HACL1: variants seen among roughly 807,000 people sequenced by gnomAD.
HACL1 encodes the protein 2-hydroxyacyl-CoA lyase 1.
Under a neutral mutation model 74.2 loss-of-function variants are expected in HACL1, and 64 were observed. That is an observed-to-expected ratio of 0.86 (90% confidence interval 0.70 to 1.06). HACL1 has a LOEUF of 1.06. Among genes scored for constraint, HACL1 ranks in the 50% least tolerant of loss-of-function variants. The pLI is 0.00. For missense variants in HACL1, 728 were observed against 719.7 expected (o/e 1.01, Z -0.13); for synonymous variants, 230 against 238.8 (o/e 0.96, Z 0.34).
At chr3:15,574,541 C>T (rs1159326479) in intron 10 of HACL1, among the ~76,000 whole-genome samples, 3 of 152,202 alleles carry the variant, frequency 2.0e-5, no homozygotes, top group African/African-American at 7.2e-5. Flanking sequence ...ATTCCGGATG[C>T]TGTTTAATGA....
In HACL1 at chr3:15,563,555, A is replaced by C. The variant is rs781118545; in HGVS notation, c.1518-11T>G. The C allele has an allele frequency of 5.8e-6, 9 of 1,550,968 alleles. No homozygotes were observed. The highest frequency in any genetic ancestry group is 8.0e-6 in the Non-Finnish European group (9 of 1,127,972). ...CACATTGGAGGGACCCTGAAAAACA[A>C]GGTCATGAGTCAATGAAATTTAAAT... On this transcript the variant is annotated splice_polypyrimidine_tract_variant and intron_variant, in intron 15 of 16. Coordinates refer to ENST00000321169, the MANE Select transcript of HACL1 (RefSeq NM_012260.4).
At chr3:15,586,711 G>T (rs2063801424) in intron 5 of HACL1, 109 bp from the exon 6 acceptor site, 1 of 676,632 alleles carries the variant, frequency 1.5e-6, no homozygotes, top group Non-Finnish European at 2.7e-6. Context: ...GAGGCAAGAT[G>T]GAGAAAATAT....
chr3:15,570,569 T>G (rs1032514738), intron 12 of HACL1, among the ~76,000 whole-genome samples: 2 of 150,152 alleles, frequency 1.3e-5, no homozygotes, highest in Non-Finnish European at 3.0e-5. Flanking sequence ...AAGATACATA[T>G]GAATACACAA....
intron 7 of HACL1, among the ~76,000 whole-genome samples, chr3:15,584,784 T>G (rs1020955388): frequency 1.3e-5 from 2 of 152,212 alleles, no homozygotes; most frequent in African/African-American, 4.8e-5. Flanking sequence ...GTACTTCTTT[T>G]CACTTAGTGT....
chr3:15,597,554 G>C (rs569939029), intron 2 of HACL1, among the ~76,000 whole-genome samples: 1 of 145,724 alleles, frequency 6.9e-6, no homozygotes, highest in South Asian at 2.1e-4. Context: ...AATGAATTGC[G>C]TATTTCCTAG....
chr3:15,595,440 TA>T lies in HACL1; in HGVS notation c.227+943del, dbSNP rs552924084. ...GAATTACTAGTTTCATTTTTGGAAA[TA>T]AAAAAATGTATTAAAACTAACATAT... On this transcript the variant is annotated intron_variant, in intron 3 of 16. Transcript: ENST00000321169. Among the ~76,000 whole-genome samples the T allele has an allele frequency of 4.8e-4, 73 of 151,706 alleles. 1 individual carries two copies. Among genetic ancestry groups the T allele is most frequent in the Admixed American group, 3.6e-3 (55 of 15,102 alleles).
At chr3:15,571,841 T>TC (rs1559550170) in intron 11 of HACL1, 72 bp from the exon 12 acceptor site, 3 of 634,910 alleles carry the variant, frequency 4.7e-6, no homozygotes, top group African/African-American at 4.6e-5. Context: ...TTTTTTTTTT[T>TC]TTTTTTTTTT....
At chr3:15,589,501 A>C (rs921954043) in intron 5 of HACL1, 39 bp downstream of exon 5, 9 of 1,295,502 alleles carry the variant, frequency 6.9e-6, no homozygotes, top group Non-Finnish European at 1.0e-5. Context: ...TGTTTCAAAA[A>C]TTAAAAATAA....
chr3:15,590,314 A>C (rs1328589617), intron 4 of HACL1, among the ~76,000 whole-genome samples: 2 of 152,080 alleles, frequency 1.3e-5, no homozygotes, highest in Non-Finnish European at 2.9e-5. Flanking sequence ...CTCAGCAATG[A>C]AATTCTTATC....
At chr3:15,596,702 A>G (rs1414074797) in intron 2 of HACL1, among the ~76,000 whole-genome samples, 2 of 152,152 alleles carry the variant, frequency 1.3e-5, no homozygotes, top group African/African-American at 4.8e-5. Context: ...TTTTATTAAC[A>G]ATATTGGTAA....
At chr3:15,571,829 C>CT (rs869072841) in intron 11 of HACL1, 60 bp from the exon 12 acceptor site, 13,612 of 224,084 alleles carry the variant, frequency 0.061, 1,020 homozygotes, top group East Asian at 0.17. Flanking sequence ...CCTTTTTTTT[C>CT]TTTTTTTTTT....
At chr3:15,568,093 G>C in intron 13 of HACL1, 91 bp from the exon 14 acceptor site, 1 of 1,043,750 alleles carries the variant, frequency 9.6e-7, no homozygotes, top group Non-Finnish European at 1.4e-6. Flanking sequence ...TTACATGGTT[G>C]ATGGAAAAAT....
Position 15,586,529 on chromosome 3 carries a change from T to C in HACL1, c.455A>G (p.Glu152Gly), listed in dbSNP as rs759655395. 6 of 1,566,104 alleles carry C rather than the reference T, an allele frequency of 3.8e-6. No individual in the cohort carries two copies. The South Asian group carries it at 6.7e-5, about 18-fold the overall frequency. Reference sequence around the variant, plus strand: ...GCTTGTTATTAAATACTGTACCTTTTCAATAACAAAAGGAATAGCTTCTAT... The same window carrying C: ...GCTTGTTATTAAATACTGTACCTTTCCAATAACAAAAGGAATAGCTTCTAT... ...SSIEAIPFVI[E>G]KAVRSSIYGR... is the part of the protein sequence containing the mutation. The change falls in exon 6 of 17, where the codon GAA (glutamate) becomes GGA (glycine). Residue 152 changes from glutamate to glycine, a missense_variant. Glu to Gly is a moderately conservative substitution (Grantham distance 98). Coordinates refer to ENST00000321169, the MANE Select transcript of HACL1 (RefSeq NM_012260.4).
chr3:15,580,689 G>A (rs904590764), intron 8 of HACL1, among the ~76,000 whole-genome samples: 1 of 152,168 alleles, frequency 6.6e-6, no homozygotes, highest in Non-Finnish European at 1.5e-5. Context: ...AGAGGCCCAG[G>A]TGGCCAGGGA....
chr3:15,567,651 G>C (rs1205461373), intron 14 of HACL1, among the ~76,000 whole-genome samples, 193 bp downstream of exon 14: 2 of 152,200 alleles, frequency 1.3e-5, no homozygotes, highest in East Asian at 1.9e-4. Context: ...CATACAGTGA[G>C]GAGGCCAGAA....
intron 2 of HACL1, among the ~76,000 whole-genome samples, chr3:15,598,623 A>T (rs1290185607): frequency 6.6e-6 from 1 of 152,242 alleles, no homozygotes; most frequent in Non-Finnish European, 1.5e-5. Flanking sequence ...CTTGCTGACA[A>T]TCTGCCTACT....
Position 15,601,086 on chromosome 3 carries a change from T to C in HACL1, c.186+4A>G. 6.3e-7 allele frequency: 1 copy of C among 1,593,366 alleles called. No individual in the cohort carries two copies. ...CGCATTCAGCCACCTGAGTCCATACTCACCGCTTGCTCATTCCTCATCCCG... is the reference window on the plus strand; with the variant it reads ...CGCATTCAGCCACCTGAGTCCATACCCACCGCTTGCTCATTCCTCATCCCG... On this transcript the variant is annotated splice_donor_region_variant and intron_variant, in intron 2 of 16. Transcript: ENST00000321169.
intron 11 of HACL1, among the ~76,000 whole-genome samples, chr3:15,572,535 G>A (rs896863956): frequency 6.6e-6 from 1 of 152,136 alleles, no homozygotes; most frequent in East Asian, 1.9e-4. Context: ...AAATAACCAC[G>A]GACTCCTATG....
intron 5 of HACL1, among the ~76,000 whole-genome samples, chr3:15,588,943 A>G (rs1394037032): frequency 6.6e-6 from 1 of 152,034 alleles, no homozygotes; most frequent in Non-Finnish European, 1.5e-5. Flanking sequence ...TTATTCCTAC[A>G]TCTTCTTGAC....
Sources: allele counts gnomAD v4.1 joint callset (sites outside exome capture counted in the v4.1 genomes callset), GRCh38; gene constraint gnomAD v4.1.1; transcripts MANE v1.5; gene names NCBI Gene and HGNC (gene_info 2026-07-23, HGNC 2026-07-21).